Variants in SLC41A2 observed in about 807,000 individuals in gnomAD.
SLC41A2 encodes solute carrier family 41 member 2, also known as SLC41A1-like 1.
Under a neutral mutation model 58.3 loss-of-function variants are expected in SLC41A2, and 32 were observed. That is an observed-to-expected ratio of 0.55 (90% CI 0.41 to 0.74). The LOEUF (loss-of-function observed/expected upper bound fraction) is 0.74. Ranked by LOEUF, SLC41A2 falls within the 30% of genes least tolerant of loss-of-function variation. SLC41A2 has a pLI of 0.00. For synonymous variants in SLC41A2, 190 were observed against 235.0 expected (o/e 0.81, Z 1.75); for missense variants, 514 against 680.6 (o/e 0.76, Z 2.72).
chr12:104,908,873 G>A (rs1565893262), intron 3 of SLC41A2, among the ~76,000 whole-genome samples: 1 of 151,876 alleles, frequency 6.6e-6, no homozygotes, highest in Non-Finnish European at 1.5e-5. Context: ...CCTAGAACAG[G>A]CCCTAAAAAA....
chr12:104,828,895 A>G (rs2041945306), intron 10 of SLC41A2, among the ~76,000 whole-genome samples: 1 of 152,146 alleles, frequency 6.6e-6, no homozygotes, highest in African/African-American at 2.4e-5. Flanking sequence ...AACCCATAAA[A>G]ATATAGTCAC....
intron 7 of SLC41A2, among the ~76,000 whole-genome samples, chr12:104,863,768 A>G (rs1355912772): frequency 6.6e-6 from 1 of 152,126 alleles, no homozygotes; most frequent in Admixed American, 6.6e-5. Flanking sequence ...GGTTGACTTT[A>G]TTATAACAAC....
chr12:104,866,476 G>A lies in SLC41A2; in HGVS notation c.1131C>T (p.Leu377=), dbSNP rs1490192420. Residue 377 remains leucine (L), a synonymous_variant, in exon 7 of 11, where the codon CTC becomes CTT. Coordinates refer to ENST00000258538, the MANE Select transcript of SLC41A2 (RefSeq NM_001352171.3). ...AAKHPATRTV[L]HSGWEPVITA... Reference sequence around the variant, plus strand: ...TTATGACAGGCTCCCAGCCTGAGTGGAGAACTGTTCTTGTGGCTGGATGTT... The same window carrying A: ...TTATGACAGGCTCCCAGCCTGAGTGAAGAACTGTTCTTGTGGCTGGATGTT... 1.9e-6 allele frequency: 3 copies of A among 1,612,538 alleles called. No homozygotes were observed. Among genetic ancestry groups the A allele is most frequent in the Non-Finnish European group, 2.5e-6 (3 of 1,179,486 alleles).
At chr12:104,885,038 T>C (rs2044588116) in intron 6 of SLC41A2, among the ~76,000 whole-genome samples, 1 of 144,914 alleles carries the variant, frequency 6.9e-6, no homozygotes, top group Non-Finnish European at 1.5e-5. Context: ...CTTCCTGTGC[T>C]TTTTTTTTTG....
chr12:104,927,812 C>T (rs1454783643), intron 2 of SLC41A2, among the ~76,000 whole-genome samples, 161 bp downstream of exon 2: 1 of 151,964 alleles, frequency 6.6e-6, no homozygotes, highest in African/African-American at 2.4e-5. Flanking sequence ...AAACTCCCAC[C>T]TAGAAATAGA....
chr12:104,955,495 T>C (rs2048128271), intron 1 of SLC41A2, among the ~76,000 whole-genome samples: 1 of 152,222 alleles, frequency 6.6e-6, no homozygotes, highest in Non-Finnish European at 1.5e-5. Flanking sequence ...AGTACTTTTC[T>C]GTCCACTGAC....
At chr12:104,812,214 C>T (rs1242189266) in intron 10 of SLC41A2, among the ~76,000 whole-genome samples, 4 of 152,158 alleles carry the variant, frequency 2.6e-5, no homozygotes, top group African/African-American at 7.2e-5. Flanking sequence ...AGTAAAGCAT[C>T]CAGTGAACAG....
chr12:104,945,198 TAAGAAAAGAA>T lies in SLC41A2; in HGVS notation c.-168+12880_-168+12889del, dbSNP rs772490994. On this transcript the variant is annotated intron_variant, in intron 1 of 10. Coordinates refer to ENST00000258538, the MANE Select transcript of SLC41A2 (RefSeq NM_001352171.3). ...CACAAAAAATAATAAAAATAAAAAG[TAAGAAAAGAA>T]AAGAAAAGAAGGCTGGGCACGGTAG... 1.6e-4 allele frequency among the ~76,000 whole-genome samples: 24 copies of T among 146,044 alleles called. No homozygotes were observed. In the East Asian group the frequency reaches 2.3e-3, roughly 14 times the overall value.
At chr12:104,910,461 T>C (rs954563228) in intron 2 of SLC41A2, among the ~76,000 whole-genome samples, 6 of 152,168 alleles carry the variant, frequency 3.9e-5, no homozygotes, top group African/African-American at 1.4e-4. Context: ...GAAAATAATA[T>C]CCACCCTATC....
intron 8 of SLC41A2, among the ~76,000 whole-genome samples, chr12:104,855,991 G>GA (rs35596089): frequency 0.64 from 97,566 of 151,992 alleles, 31,811 homozygotes; most frequent in African/African-American, 0.74. Flanking sequence ...GCCATGAAAT[G>GA]AGCCGTATGA....
At chr12:104,822,018 G>A (rs1332349832) in intron 10 of SLC41A2, among the ~76,000 whole-genome samples, 1 of 152,010 alleles carries the variant, frequency 6.6e-6, no homozygotes, top group East Asian at 1.9e-4. Flanking sequence ...CATTCTGAAG[G>A]AATAATGCAA....
At chr12:104,889,283 G>A in intron 4 of SLC41A2, 106 bp from the exon 5 acceptor site, 1 of 1,155,424 alleles carries the variant, frequency 8.7e-7, no homozygotes. Flanking sequence ...AGTATTGCAT[G>A]TAATAATTGA....
intron 10 of SLC41A2, among the ~76,000 whole-genome samples, chr12:104,820,582 T>A (rs2041589734): frequency 6.6e-6 from 1 of 152,238 alleles, no homozygotes; most frequent in Non-Finnish European, 1.5e-5. Flanking sequence ...ATATTTAACG[T>A]TTTAAATATT....
rs1259017780 is a variant in SLC41A2, at chr12:104,853,710, T to TGTATGTATGTAC, written c.1255+7580_1255+7581insGTACATACATAC. Among the ~76,000 whole-genome samples the TGTATGTATGTAC allele has an allele frequency of 8.8e-4, 64 of 72,776 alleles. 1 individual carries two copies. The highest frequency in any genetic ancestry group is 5.5e-3 in the African/African-American group (61 of 11,066). The allele number at this position is 72,776 out of a possible 152,430, so 47.7% of individuals were successfully genotyped here. The stretch of plus-strand genomic sequence containing the variant: ...GATCATGCATTATTTTTTAAATAAA[T>TGTATGTATGTAC]GTATGTATGTATGTATGTATGTATG... On this transcript the variant is annotated intron_variant, in intron 8 of 10. Coordinates refer to ENST00000258538, the MANE Select transcript of SLC41A2 (RefSeq NM_001352171.3).
chr12:104,946,516 TTCCCACCTTGGGC>T (rs1241315435), intron 1 of SLC41A2, among the ~76,000 whole-genome samples: 1 of 152,190 alleles, frequency 6.6e-6, no homozygotes, highest in African/African-American at 2.4e-5. Flanking sequence ...ACAATCTATC[TTCCCACCTTGGGC>T]TCCCAAAGTG....
At chr12:104,943,880 T>C (rs572515559) in intron 1 of SLC41A2, among the ~76,000 whole-genome samples, 3 of 151,956 alleles carry the variant, frequency 2.0e-5, no homozygotes, top group South Asian at 2.1e-4. Context: ...TAGGCAAAAA[T>C]AGTAGGCAAA....
intron 8 of SLC41A2, among the ~76,000 whole-genome samples, chr12:104,860,966 T>A (rs75290902): frequency 1.7e-3 from 257 of 152,204 alleles, no homozygotes; most frequent in African/African-American, 5.8e-3. Context: ...AACAAAACAA[T>A]ATACAATAGC....
intron 1 of SLC41A2, among the ~76,000 whole-genome samples, chr12:104,957,076 C>T (rs961602963): frequency 6.6e-6 from 1 of 152,106 alleles, no homozygotes; most frequent in African/African-American, 2.4e-5. Flanking sequence ...TCCACAAAAA[C>T]GTGTAAACAA....
rs552187114 is a variant in SLC41A2 at position 104,842,598 on chromosome 12, T to G, written c.1536+1874A>C. Among the ~76,000 whole-genome samples the G allele has an allele frequency of 2.6e-5, 4 of 152,212 alleles. No homozygotes were observed. The East Asian group carries it at 7.7e-4, about 29-fold the overall frequency. On this transcript the variant is annotated intron_variant, in intron 10 of 10. Coordinates refer to ENST00000258538, the MANE Select transcript of SLC41A2 (RefSeq NM_001352171.3). ...TTCATTTAATCCTCAAAGCAGCCTGTCTGGTAGATAGTACAACCTCTCCCA... is the reference window on the plus strand; with the variant it reads ...TTCATTTAATCCTCAAAGCAGCCTGGCTGGTAGATAGTACAACCTCTCCCA...
Sources: gnomAD v4.1 joint callset for allele counts (sites outside exome capture counted in the v4.1 genomes callset) on GRCh38, gnomAD v4.1.1 for gene constraint, MANE v1.5 for transcripts, NCBI Gene and HGNC (gene_info 2026-07-23, HGNC 2026-07-21) for gene names.